The following ANTXR1 variants were observed in gnomAD, a reference collection of about 807,000 sequenced individuals.
ANTXR1 encodes the protein anthrax toxin receptor 1.
Under a neutral mutation model 78.1 loss-of-function variants are expected in ANTXR1, and 19 were observed. The ratio of observed to expected loss-of-function variants is 0.24; its 90% CI spans 0.17 to 0.36. The LOEUF is 0.36. ANTXR1 is among the 10% of genes least tolerant of loss of function. The pLI, the probability that ANTXR1 is intolerant of heterozygous loss-of-function variation, is 1.00. For missense variants in ANTXR1, 518 were observed against 718.6 expected, an observed-to-expected ratio of 0.72 and a Z score of 3.19; for synonymous variants, 273 against 260.5, an observed-to-expected ratio of 1.05 and a Z score of -0.46.
At position 69,066,879 on chromosome 2, in the gene ANTXR1, G is replaced by A. The variant is rs113198848; in HGVS notation, c.297-3768G>A. Among the ~76,000 whole-genome samples the A allele has an allele frequency of 7.4e-3, 1,134 of 152,300 alleles. 16 individuals are homozygous for A. The highest frequency in any genetic ancestry group is 0.037 in the Admixed American group (573 of 15,308). On this transcript the variant is annotated intron_variant, in intron 3 of 17. Coordinates refer to ENST00000303714, the MANE Select transcript of ANTXR1 (RefSeq NM_032208.3). ...AACCACCAAGGAAAACAGGGGCTCT[G>A]TAATAGCAGCCTCTCTTCATAGGAT...
At chr2:69,116,854 A>G (rs1672160179) in intron 10 of ANTXR1, among the ~76,000 whole-genome samples, 1 of 152,162 alleles carries the variant, frequency 6.6e-6, no homozygotes, top group Admixed American at 6.5e-5. Flanking sequence ...CACCCTTATA[A>G]AAAGGATTTT....
rs1312179450 is a variant in ANTXR1, at chr2:69,182,644, G to A, written c.1337G>A (p.Trp446Ter). ...CGTCGGCCTTCTTCCCCCCGGAAGT[G>A]GTACTCTCCAATCAAGGTGTGTCTC... The part of the protein sequence containing the change: ...NMRRPSSPRK[W>*]YSPIKGKLDA... Residue 446 changes from tryptophan to a stop codon, truncating the protein, a stop_gained, in exon 16 of 18, where the codon TGG (tryptophan) becomes TAG (stop). Transcript: ENST00000303714. LOFTEE classifies it high-confidence loss of function. The A allele has an allele frequency of 1.2e-6, 2 of 1,614,038 alleles. No individual in the cohort carries two copies. The highest frequency in any genetic ancestry group is 1.7e-6 in the Non-Finnish European group (2 of 1,180,004).
In ANTXR1 at chr2:69,100,284, G is replaced by A. The variant is rs529335112; in HGVS notation, c.704-2558G>A. Among the ~76,000 whole-genome samples, 4 of 152,284 alleles carry A rather than the reference G, an allele frequency of 2.6e-5. No individual in the cohort carries two copies. In the South Asian group the frequency reaches 8.3e-4, roughly 32 times the overall value. ...AGCTGACATTCTAGTCAGGCTGCTG[G>A]GCCAGATGTTTGAGCTCTTCTGGTA... On this transcript the variant is annotated intron_variant, in intron 9 of 17. Transcript: ENST00000303714.
intron 1 of ANTXR1, among the ~76,000 whole-genome samples, chr2:69,037,709 A>G (rs1669485037): frequency 1.3e-5 from 2 of 152,130 alleles, no homozygotes; most frequent in Non-Finnish European, 2.9e-5. Flanking sequence ...ACCTCAGGTG[A>G]TCCACCTGCC....
chr2:69,228,823 C>T (rs1262220458), intron 17 of ANTXR1, among the ~76,000 whole-genome samples: 3 of 152,138 alleles, frequency 2.0e-5, no homozygotes, highest in African/African-American at 7.2e-5. Context: ...CAGACACCTA[C>T]CCATTTAGGA....
At chr2:69,084,938 T>C (rs1411963664) in intron 8 of ANTXR1, among the ~76,000 whole-genome samples, 1 of 150,512 alleles carries the variant, frequency 6.6e-6, no homozygotes, top group Non-Finnish European at 1.5e-5. Context: ...CTGCAAGCTC[T>C]GCCTCCCAGG....
chr2:69,245,091 C>A, intron 17 of ANTXR1, 134 bp from the exon 18 acceptor site: 2 of 984,616 alleles, frequency 2.0e-6, no homozygotes, highest in Non-Finnish European at 3.3e-6. Context: ...TCAAGTTCTA[C>A]TATGTGCCAC....
chr2:69,245,131 T>G, intron 17 of ANTXR1, 94 bp from the exon 18 acceptor site: 1 of 1,466,478 alleles, frequency 6.8e-7, no homozygotes, highest in East Asian at 2.3e-5. Flanking sequence ...GGGGCCAGCT[T>G]TCCACATATT....
intron 12 of ANTXR1, 132 bp downstream of exon 12, chr2:69,124,775 T>C: frequency 1.1e-6 from 1 of 884,362 alleles, no homozygotes; most frequent in Non-Finnish European, 1.8e-6. Flanking sequence ...TGAGCTTTGA[T>C]CCCAGCACTG....
intron 11 of ANTXR1, among the ~76,000 whole-genome samples, chr2:69,124,272 C>T (rs1672455202): frequency 6.6e-6 from 1 of 152,210 alleles, no homozygotes; most frequent in Non-Finnish European, 1.5e-5. Flanking sequence ...TGAAAGTAAG[C>T]TTTGCCCATT....
intron 14 of ANTXR1, among the ~76,000 whole-genome samples, chr2:69,177,675 C>G (rs991547144): frequency 6.6e-6 from 1 of 152,224 alleles, no homozygotes; most frequent in African/African-American, 2.4e-5. Context: ...TCCGCGTTAT[C>G]TCATCTTCTC....
intron 17 of ANTXR1, among the ~76,000 whole-genome samples, chr2:69,218,778 A>G (rs1168476187): frequency 6.6e-6 from 1 of 152,218 alleles, no homozygotes; most frequent in Non-Finnish European, 1.5e-5. Context: ...AGCCGCTGTA[A>G]CTTACAGCAT....
intron 14 of ANTXR1, among the ~76,000 whole-genome samples, chr2:69,177,039 T>C (rs1674141687): frequency 6.6e-6 from 1 of 152,226 alleles, no homozygotes. Flanking sequence ...ACAGTATACA[T>C]GCAGGAGTGA....
intron 12 of ANTXR1, among the ~76,000 whole-genome samples, chr2:69,143,789 C>A (rs1673139314): frequency 6.6e-6 from 1 of 152,000 alleles, no homozygotes; most frequent in African/African-American, 2.4e-5. Context: ...GGCATGCTGA[C>A]CTTTAAAGGT....
intron 9 of ANTXR1, 55 bp from the exon 10 acceptor site, chr2:69,102,787 C>A (rs979138782): frequency 2.1e-5 from 32 of 1,519,056 alleles, no homozygotes; most frequent in Non-Finnish European, 2.6e-5. Context: ...AGGGCAGATG[C>A]GAAGCTTAAG....
chr2:69,071,886 T>G, intron 5 of ANTXR1, 99 bp downstream of exon 5: 1 of 1,082,822 alleles, frequency 9.2e-7, no homozygotes, highest in South Asian at 1.3e-5. Context: ...AAAAGACATG[T>G]ATGATATTAT....
intron 17 of ANTXR1, among the ~76,000 whole-genome samples, chr2:69,229,009 T>G (rs758433882): frequency 6.6e-6 from 1 of 152,182 alleles, no homozygotes; most frequent in Non-Finnish European, 1.5e-5. Context: ...TAGCCATTTC[T>G]TGGTGCATGT....
chr2:69,078,896 A>C (rs1670817705), intron 8 of ANTXR1, among the ~76,000 whole-genome samples: 1 of 152,164 alleles, frequency 6.6e-6, no homozygotes, highest in Non-Finnish European at 1.5e-5. Flanking sequence ...ACCTATTCCC[A>C]AGAGATTCTA....
chr2:69,080,147 G>A (rs952027784), intron 8 of ANTXR1, among the ~76,000 whole-genome samples: 2 of 152,142 alleles, frequency 1.3e-5, no homozygotes, highest in Admixed American at 6.5e-5. Context: ...TCCAGTACTC[G>A]AAACCCATGT....
Sources: allele counts gnomAD v4.1 joint callset (sites outside exome capture counted in the v4.1 genomes callset), GRCh38; gene constraint gnomAD v4.1.1; transcripts MANE v1.5; gene names NCBI Gene and HGNC (gene_info 2026-07-23, HGNC 2026-07-21).